LRBA: variants seen among roughly 807,000 people sequenced by gnomAD.
LRBA encodes the protein lipopolysaccharide-responsive and beige-like anchor protein.
Under a neutral mutation model 330.0 loss-of-function variants are expected in LRBA, and 176 were observed. The ratio of observed to expected loss-of-function variants is 0.53; its 90% CI spans 0.47 to 0.60. The LOEUF is 0.60. Ranked by LOEUF, LRBA falls within the 20% of genes least tolerant of loss-of-function variation. LRBA has a pLI of 0.00. For missense variants in LRBA, 3,259 were observed against 3,444.8 expected, an observed-to-expected ratio of 0.95 and a Z score of 1.35; for synonymous variants, 1,230 against 1,193.0, an observed-to-expected ratio of 1.03 and a Z score of -0.64.
rs751188122 is a variant in LRBA at position 150,798,124 on chromosome 4, G to A, written c.5537C>T (p.Ser1846Leu). Residue 1846 changes from serine (S) to leucine (L), a missense_variant, in exon 34 of 57, where the codon TCG becomes TTG. By Grantham distance (145) the Ser-to-Leu change is moderately radical (BLOSUM62 -2). Transcript: ENST00000651943. Reference protein sequence around the residue: ...IEGTSLVCMKSSSSVVELVML... With the variant: ...IEGTSLVCMKLSSSVVELVML... ...AACCAATTCCACAACTGAACTACTC[G>A]ACTTCATGCAAACCAGACCTATTTT... 20 of 1,606,514 alleles carry A rather than the reference G, an allele frequency of 1.2e-5. No homozygotes were observed. The highest frequency in any genetic ancestry group is 4.5e-5 in the East Asian group (2 of 44,768).
intron 22 of LRBA, among the ~76,000 whole-genome samples, chr4:150,861,967 C>A (rs1184133270): frequency 1.4e-5 from 2 of 143,724 alleles, no homozygotes; most frequent in Non-Finnish European, 3.0e-5. Context: ...GGCAACAGAG[C>A]AAGACTCTGA....
chr4:150,940,774 A>G (rs1648488), intron 2 of LRBA, among the ~76,000 whole-genome samples: 1 of 151,816 alleles, frequency 6.6e-6, no homozygotes, highest in Non-Finnish European at 1.5e-5. Flanking sequence ...TTTTATTTAA[A>G]AGTTCTATTT....
At chr4:150,896,486 T>A in intron 15 of LRBA, 30 bp from the exon 16 acceptor site, 2 of 1,158,620 alleles carry the variant, frequency 1.7e-6, no homozygotes, top group Non-Finnish European at 2.5e-6. Flanking sequence ...GTATCTTACG[T>A]TTACATGTAA....
intron 47 of LRBA, among the ~76,000 whole-genome samples, chr4:150,402,516 T>C (rs566474354): frequency 3.9e-4 from 60 of 152,274 alleles, no homozygotes; most frequent in Admixed American, 2.7e-3. Flanking sequence ...CCAGGTACTA[T>C]AGTCACGGCA....
intron 8 of LRBA, among the ~76,000 whole-genome samples, 188 bp from the exon 9 acceptor site, chr4:150,914,529 A>C (rs1257879563): frequency 6.6e-6 from 1 of 152,170 alleles, no homozygotes; most frequent in East Asian, 1.9e-4. Flanking sequence ...GGGGATATAG[A>C]AAAGTTTGAA....
At chr4:150,369,302 A>C (rs1739923616) in intron 47 of LRBA, among the ~76,000 whole-genome samples, 1 of 152,168 alleles carries the variant, frequency 6.6e-6, no homozygotes, top group Non-Finnish European at 1.5e-5. Flanking sequence ...AAATGTTATA[A>C]AATAATCTCA....
chr4:151,003,617 C>A (rs1373912139), intron 2 of LRBA, among the ~76,000 whole-genome samples: 1 of 151,806 alleles, frequency 6.6e-6, no homozygotes, highest in Non-Finnish European at 1.5e-5. Context: ...CAGCCCCCGC[C>A]CCTTCTCTGC....
At chr4:150,553,425 C>A (rs578219271) in intron 40 of LRBA, among the ~76,000 whole-genome samples, 3 of 151,892 alleles carry the variant, frequency 2.0e-5, no homozygotes, top group Non-Finnish European at 4.4e-5. Flanking sequence ...ATGTAACAAA[C>A]CTGCATGTTG....
At chr4:150,875,007 C>T (rs1422062112) in intron 17 of LRBA, among the ~76,000 whole-genome samples, 7 of 151,974 alleles carry the variant, frequency 4.6e-5, no homozygotes, top group African/African-American at 1.5e-4. Flanking sequence ...ACTCCAGCAG[C>T]CTGAGTCACC....
At chr4:150,542,853 A>C (rs1426585268) in intron 40 of LRBA, among the ~76,000 whole-genome samples, 1 of 152,176 alleles carries the variant, frequency 6.6e-6, no homozygotes, top group Non-Finnish European at 1.5e-5. Context: ...ACACATCCAT[A>C]ATCATACAAA....
chr4:150,685,118 C>G (rs1166434680), intron 36 of LRBA, among the ~76,000 whole-genome samples: 1 of 151,824 alleles, frequency 6.6e-6, no homozygotes, highest in Admixed American at 6.6e-5. Context: ...ATGAGGGAAG[C>G]TGGCCTGAAG....
chr4:150,809,428 G>A (rs1249057036), intron 31 of LRBA, among the ~76,000 whole-genome samples: 1 of 152,174 alleles, frequency 6.6e-6, no homozygotes, highest in African/African-American at 2.4e-5. Flanking sequence ...AGAAAGCAAG[G>A]AATGATAAGA....
At chr4:150,699,216 G>T (rs1006024646) in intron 36 of LRBA, among the ~76,000 whole-genome samples, 3 of 152,110 alleles carry the variant, frequency 2.0e-5, no homozygotes, top group Non-Finnish European at 2.9e-5. Context: ...TCTGCAGCAT[G>T]GCAAAGGGAG....
intron 36 of LRBA, among the ~76,000 whole-genome samples, chr4:150,724,903 T>TATACAC (rs1238108889): frequency 1.4e-5 from 2 of 145,500 alleles, no homozygotes; most frequent in African/African-American, 5.1e-5. Context: ...TGTATATATA[T>TATACAC]ACACACACAC....
At chr4:150,780,631 GTA>G (rs201026564) in intron 34 of LRBA, among the ~76,000 whole-genome samples, 2,064 of 136,756 alleles carry the variant, frequency 0.015, 60 homozygotes, top group African/African-American at 0.043. Context: ...ATATATACAC[GTA>G]TATATATATA....
intron 2 of LRBA, among the ~76,000 whole-genome samples, chr4:150,996,069 CAAA>C (rs34323309): frequency 1.2e-4 from 15 of 125,206 alleles, no homozygotes; most frequent in Non-Finnish European, 1.0e-4. Context: ...CAACAACAAC[CAAA>C]AAAAAAAAAA....
At chr4:150,840,763 TCAA>T (rs1464520437) in intron 28 of LRBA, 1 of 247,274 alleles carries the variant, frequency 4.0e-6, no homozygotes, top group African/African-American at 2.3e-5. Flanking sequence ...ATAGACTAGT[TCAA>T]CACAGAGTTG....
At chr4:150,672,683 G>A (rs1442974416) in intron 37 of LRBA, among the ~76,000 whole-genome samples, 5 of 151,884 alleles carry the variant, frequency 3.3e-5, no homozygotes, top group Non-Finnish European at 5.9e-5. Context: ...CAATGCTATA[G>A]GACTGGTTTA....
At chr4:150,997,459 TA>T (rs1283433369) in intron 2 of LRBA, among the ~76,000 whole-genome samples, 2 of 152,166 alleles carry the variant, frequency 1.3e-5, no homozygotes, top group Non-Finnish European at 2.9e-5. Flanking sequence ...TATAATTCAC[TA>T]AAAATAGTCA....
Sources: gnomAD v4.1 joint callset for allele counts (sites outside exome capture counted in the v4.1 genomes callset) on GRCh38, gnomAD v4.1.1 for gene constraint, MANE v1.5 for transcripts, NCBI Gene and HGNC (gene_info 2026-07-23, HGNC 2026-07-21) for gene names.